Variants in PIGU observed in about 807,000 individuals in gnomAD.
PIGU encodes the protein phosphatidylinositol glycan anchor biosynthesis class U, also known as GPI-anchor transamidase component PIGU.
PIGU carries 24 observed loss-of-function variants against 49.9 expected under a neutral mutation model. The observed-to-expected ratio is 0.48, with a 90% confidence interval of 0.35 to 0.68. PIGU has a LOEUF of 0.68. Among genes scored for constraint, PIGU ranks in the 30% least tolerant of loss-of-function variants. The probability of loss-of-function intolerance (pLI) is 0.01; values close to 1 mark genes in which losing one functional copy is unlikely to be tolerated. For missense variants in PIGU, 490 were observed against 532.6 expected, an observed-to-expected ratio of 0.92 and a Z score of 0.79; for synonymous variants, 220 against 205.7, an observed-to-expected ratio of 1.07 and a Z score of -0.59.
At chr20:34,657,080 A>T in intron 2 of PIGU, 100 bp downstream of exon 2, 1 of 944,052 alleles carries the variant, frequency 1.1e-6, no homozygotes, top group Non-Finnish European at 1.6e-6. Flanking sequence ...ATCGTCAAGA[A>T]TACATCTTTT....
chr20:34,676,663 A>G (rs921248492), intron 1 of PIGU, among the ~76,000 whole-genome samples: 31 of 152,072 alleles, frequency 2.0e-4, no homozygotes, highest in Admixed American at 1.6e-3. Context: ...CTTCCCACAG[A>G]CCACACTCCT....
chr20:34,637,764 T>G, intron 5 of PIGU, 112 bp downstream of exon 5: 1 of 1,557,104 alleles, frequency 6.4e-7, no homozygotes, highest in Non-Finnish European at 8.6e-7. Flanking sequence ...CAGCAAATAC[T>G]TGATGACTAA....
At chr20:34,598,771 A>G (rs1249149007) in intron 7 of PIGU, among the ~76,000 whole-genome samples, 1 of 152,246 alleles carries the variant, frequency 6.6e-6, no homozygotes, top group Non-Finnish European at 1.5e-5. Flanking sequence ...AGGATCATTA[A>G]GGAATTACGC....
rs746993969 is a variant in PIGU at position 34,585,575 on chromosome 20, G to A, written c.788C>T (p.Ser263Phe). 1 of 1,612,978 alleles carries A rather than the reference G, an allele frequency of 6.2e-7. No individual in the cohort carries two copies. The highest frequency in any genetic ancestry group is 8.5e-7 in the Non-Finnish European group (1 of 1,179,428). Reference sequence around the variant, plus strand: ...AATGTTTGGAGTGAGATCTGGAACAGAAAGTCTGGAATTAAGAAAACAAAG... The same window carrying A: ...AATGTTTGGAGTGAGATCTGGAACAAAAAGTCTGGAATTAAGAAAACAAAG... ...FIPAVYGFIL[S>F]VPDLTPNIGL... Residue 263 changes from serine to phenylalanine, a missense_variant, in exon 9 of 12, where the codon TCT becomes TTT. Transcript: ENST00000217446.
chr20:34,577,760 C>T (rs778083089), intron 10 of PIGU, among the ~76,000 whole-genome samples: 4 of 152,150 alleles, frequency 2.6e-5, no homozygotes, highest in Non-Finnish European at 5.9e-5. Flanking sequence ...TGAAATCACA[C>T]GGAGAGCCCT....
At chr20:34,632,690 A>G (rs530344599) in intron 6 of PIGU, among the ~76,000 whole-genome samples, 2 of 152,148 alleles carry the variant, frequency 1.3e-5, no homozygotes, top group East Asian at 1.9e-4. Flanking sequence ...TTAGACAACT[A>G]CTGAGAAAGT....
chr20:34,589,632 T>C (rs1334216003), intron 7 of PIGU, among the ~76,000 whole-genome samples: 1 of 145,898 alleles, frequency 6.9e-6, no homozygotes, highest in African/African-American at 2.5e-5. Flanking sequence ...ATTATAGGCG[T>C]GAGCCACTGC....
intron 10 of PIGU, among the ~76,000 whole-genome samples, chr20:34,580,931 G>A (rs1306595567): frequency 1.3e-5 from 2 of 152,142 alleles, no homozygotes; most frequent in Non-Finnish European, 2.9e-5. Flanking sequence ...TTGCCCCTCT[G>A]CCTTCTAGTA....
In PIGU at chr20:34,677,075, G is replaced by A; in HGVS notation, c.11C>T (p.Pro4Leu). Reference sequence around the variant, plus strand: ...AGCCACCACCAGCACCAGGACCAAGGGAGCCGCCATGATAACTGGGGCGGG... The same window carrying A: ...AGCCACCACCAGCACCAGGACCAAGAGAGCCGCCATGATAACTGGGGCGGG... MAA[P>L]LVLVLVVAVT... The change falls in exon 1 of 12, where the codon CCC becomes CTC. Residue 4 changes from proline to leucine, a missense_variant. Coordinates refer to ENST00000217446, the MANE Select transcript of PIGU (RefSeq NM_080476.5). 4 of 1,564,170 alleles carry A rather than the reference G, an allele frequency of 2.6e-6. No individual in the cohort carries two copies. The highest frequency in any genetic ancestry group is 3.5e-6 in the Non-Finnish European group (4 of 1,154,686).
At chr20:34,602,824 G>C (rs1334428335) in intron 7 of PIGU, among the ~76,000 whole-genome samples, 3 of 152,138 alleles carry the variant, frequency 2.0e-5, no homozygotes, top group Non-Finnish European at 4.4e-5. Flanking sequence ...GTTCCTCCAT[G>C]TTCCCTGATC....
At chr20:34,597,121 C>T (rs1235743107) in intron 7 of PIGU, among the ~76,000 whole-genome samples, 1 of 152,082 alleles carries the variant, frequency 6.6e-6, no homozygotes, top group Non-Finnish European at 1.5e-5. Flanking sequence ...TGCCCAATGT[C>T]CCAAAAATTC....
At chr20:34,609,585 G>A (rs1454465981) in intron 7 of PIGU, among the ~76,000 whole-genome samples, 4 of 151,966 alleles carry the variant, frequency 2.6e-5, no homozygotes, top group African/African-American at 9.7e-5. Context: ...GGCTTGTCTC[G>A]AACTCCTAAC....
At chr20:34,590,679 A>G (rs1188270151) in intron 7 of PIGU, among the ~76,000 whole-genome samples, 2 of 152,104 alleles carry the variant, frequency 1.3e-5, no homozygotes, top group Non-Finnish European at 2.9e-5. Flanking sequence ...TGTTAGGAAA[A>G]AAATCAGTTA....
intron 8 of PIGU, among the ~76,000 whole-genome samples, chr20:34,587,042 C>A (rs981661400): frequency 6.6e-6 from 1 of 152,198 alleles, no homozygotes; most frequent in Non-Finnish European, 1.5e-5. Flanking sequence ...ATGGGTTAAT[C>A]CCACCATATC....
chr20:34,625,789 C>T (rs953421626), intron 6 of PIGU, among the ~76,000 whole-genome samples: 3 of 150,042 alleles, frequency 2.0e-5, no homozygotes, highest in Non-Finnish European at 4.4e-5. Flanking sequence ...GCATGCCTGT[C>T]GTCTCAGCTA....
intron 9 of PIGU, among the ~76,000 whole-genome samples, chr20:34,584,539 C>T (rs1307434862): frequency 8.1e-6 from 1 of 124,008 alleles, no homozygotes; most frequent in Non-Finnish European, 1.6e-5. Flanking sequence ...GAGACATGCA[C>T]TTCCGCCTGT....
At chr20:34,618,020 C>A (rs913199939) in intron 6 of PIGU, among the ~76,000 whole-genome samples, 1 of 152,100 alleles carries the variant, frequency 6.6e-6, no homozygotes, top group African/African-American at 2.4e-5. Context: ...GATTGTGAGA[C>A]CTTCCCCAGC....
chr20:34,659,776 A>G (rs1986872597), intron 1 of PIGU, among the ~76,000 whole-genome samples: 1 of 152,188 alleles, frequency 6.6e-6, no homozygotes, highest in Non-Finnish European at 1.5e-5. Flanking sequence ...TCTCTGAAAC[A>G]TGTGCTGTGT....
At chr20:34,585,744 G>C (rs1302640912) in intron 8 of PIGU, among the ~76,000 whole-genome samples, 164 bp from the exon 9 acceptor site, 1 of 152,114 alleles carries the variant, frequency 6.6e-6, no homozygotes, top group Non-Finnish European at 1.5e-5. Flanking sequence ...CCTGGATACA[G>C]GTAATTAACA....
Sources: allele counts gnomAD v4.1 joint callset (sites outside exome capture counted in the v4.1 genomes callset), GRCh38; gene constraint gnomAD v4.1.1; transcripts MANE v1.5; gene names NCBI Gene and HGNC (gene_info 2026-07-23, HGNC 2026-07-21).